The following DLG3 variants were observed in gnomAD, a reference collection of about 807,000 sequenced individuals.
The protein encoded by DLG3 is disks large homolog 3.
DLG3 carries 1 observed loss-of-function variant against 64.1 expected under a neutral mutation model. The ratio of observed to expected loss-of-function variants is 0.02; its 90% confidence interval spans 0.01 to 0.07. The LOEUF is 0.07. Among genes scored for constraint, DLG3 ranks in the 10% least tolerant of loss-of-function variants. DLG3 has a pLI of 1.00. For synonymous variants in DLG3, 245 were observed against 259.8 expected, an observed-to-expected ratio of 0.94 and a Z score of 0.55; for missense variants, 429 against 669.5, an observed-to-expected ratio of 0.64 and a Z score of 3.96.
At chrX:70,450,904 G>C (rs1366071497) in intron 6 of DLG3, 121 bp downstream of exon 6, 76 of 944,271 alleles carry the variant, frequency 8.0e-5, no homozygotes. Flanking sequence ...TGGCACTGTA[G>C]CAGCCAATAA....
At chrX:70,499,453 G>A (rs1020637464) in intron 15 of DLG3, among the ~76,000 whole-genome samples, 176 bp downstream of exon 15, 31 of 112,093 alleles carry the variant, frequency 2.8e-4, no homozygotes, top group South Asian at 7.5e-4. Flanking sequence ...TGGGGTTGGA[G>A]AGATTAAGCC....
chrX:70,468,096 G>C (rs1160925950), intron 9 of DLG3, among the ~76,000 whole-genome samples: 2 of 111,240 alleles, frequency 1.8e-5, no homozygotes, highest in Non-Finnish European at 3.8e-5. Flanking sequence ...ATGAGATGGA[G>C]TCTCACTCTG....
chrX:70,500,891 T>C lies in DLG3; in HGVS notation c.2256-7T>C. 1 of 1,188,685 alleles carries C rather than the reference T, an allele frequency of 8.4e-7. No individual in the cohort carries two copies. Among genetic ancestry groups the C allele is most frequent in the Non-Finnish European group, 1.1e-6 (1 of 880,211 alleles). ...GTTCAGAACTATTTTTCTTCTGTCT[T>C]TGGCAGGGAAATGAACCGAAGGCAG... On this transcript the variant is annotated splice_region_variant and splice_polypyrimidine_tract_variant and intron_variant, in intron 17 of 18. Coordinates refer to ENST00000374360, the MANE Select transcript of DLG3 (RefSeq NM_021120.4).
intron 10 of DLG3, among the ~76,000 whole-genome samples, chrX:70,483,786 A>C (rs891230269): frequency 8.0e-5 from 9 of 112,338 alleles, no homozygotes; most frequent in Non-Finnish European, 1.3e-4. Context: ...TCAGTGACTT[A>C]TTTGGAAGGA....
chrX:70,455,542 C>T (rs1428597394), intron 9 of DLG3, among the ~76,000 whole-genome samples: 1 of 109,526 alleles, frequency 9.1e-6, no homozygotes, highest in Non-Finnish European at 1.9e-5. Context: ...CCTTCTCACC[C>T]CAGGGCCTCT....
At chrX:70,478,082 A>G (rs1174915300) in intron 9 of DLG3, among the ~76,000 whole-genome samples, 1 of 112,232 alleles carries the variant, frequency 8.9e-6, no homozygotes, top group East Asian at 2.8e-4. Flanking sequence ...ACTCGCTTCA[A>G]AGTCAGCTTG....
In DLG3 at chrX:70,504,189, G is replaced by A. The variant is rs1358891172; in HGVS notation, c.*1920G>A. ...CAGCCGACTGTGACTCTGGTGAGGA[G>A]GGGTGAGCAGGGAGGTTGATTCTCT... is the stretch of plus-strand genomic sequence containing the variant. On this transcript the variant is annotated 3_prime_UTR_variant, in exon 19 of 19. Transcript: ENST00000374360. The A allele has an allele frequency of 9.0e-6, 1 of 111,615 alleles. No individual in the cohort carries two copies. Among genetic ancestry groups the A allele is most frequent in the African/African-American group, 3.3e-5 (1 of 30,582 alleles). 9.2% of individuals were successfully genotyped at this position (111,615 alleles called of 1,213,427 possible).
intron 10 of DLG3, among the ~76,000 whole-genome samples, chrX:70,483,423 C>T (rs187174455): frequency 8.8e-6 from 1 of 113,221 alleles, no homozygotes; most frequent in African/African-American, 3.2e-5. Flanking sequence ...TGCCCTCTGG[C>T]AGTTCGCCAT....
intron 5 of DLG3, 103 bp downstream of exon 5, chrX:70,450,408 G>A (rs2147771209): frequency 9.6e-7 from 1 of 1,042,099 alleles, no homozygotes; most frequent in South Asian, 2.2e-5. Flanking sequence ...GGCATCATGG[G>A]GGAATTTCAA....
At chrX:70,478,190 TTG>T (rs2087089833) in intron 9 of DLG3, among the ~76,000 whole-genome samples, 1 of 112,463 alleles carries the variant, frequency 8.9e-6, no homozygotes, top group African/African-American at 3.2e-5. Context: ...AAATGTGTAA[TTG>T]TGTGTTTGGT....
chrX:70,498,653 G>A, intron 14 of DLG3, 83 bp downstream of exon 14: 1 of 869,226 alleles, frequency 1.2e-6, no homozygotes, highest in Non-Finnish European at 1.6e-6. Flanking sequence ...GGCAGCAGAG[G>A]GAGGGACCTG....
At position 70,490,436 on chromosome X, in the gene DLG3, C is replaced by T. The variant is rs189758724; in HGVS notation, c.1521-1671C>T. Among the ~76,000 whole-genome samples the T allele has an allele frequency of 2.7e-3, 304 of 111,791 alleles. 3 individuals are homozygous for T. Among genetic ancestry groups the T allele is most frequent in the African/African-American group, 9.2e-3 (284 of 30,769 alleles). Reference sequence around the variant, plus strand: ...TCTGTCACACATAGCCCGGAATGCACCTCTCGGACAGCACCTCCTTGTCTG... The same window carrying T: ...TCTGTCACACATAGCCCGGAATGCATCTCTCGGACAGCACCTCCTTGTCTG... On this transcript the variant is annotated intron_variant, in intron 10 of 18. Coordinates refer to ENST00000374360, the MANE Select transcript of DLG3 (RefSeq NM_021120.4).
intron 10 of DLG3, among the ~76,000 whole-genome samples, chrX:70,482,662 G>GTTTTTTTTTTTTTTTTTTTTT (rs774419870): frequency 1.5e-5 from 1 of 66,089 alleles, no homozygotes; most frequent in Non-Finnish European, 2.7e-5. Flanking sequence ...CATGTGTGGT[G>GTTTTTTTTTTTTTTTTTTTTT]TTTTTTTTTT....
chrX:70,468,763 T>G (rs1437636375), intron 9 of DLG3, among the ~76,000 whole-genome samples: 1 of 112,173 alleles, frequency 8.9e-6, no homozygotes, highest in Non-Finnish European at 1.9e-5. Context: ...TGTTTATTGA[T>G]TTGGTATTGT....
chrX:70,477,490 T>G (rs1331496429), intron 9 of DLG3, among the ~76,000 whole-genome samples: 1 of 111,833 alleles, frequency 8.9e-6, no homozygotes, highest in Admixed American at 9.5e-5. Flanking sequence ...ACTGGCCTGC[T>G]GTTATGCTCT....
chrX:70,473,340 G>C (rs1166261107), intron 9 of DLG3, among the ~76,000 whole-genome samples: 1 of 109,456 alleles, frequency 9.1e-6, no homozygotes. Context: ...CTTCACCAGC[G>C]CCCTTTCCCT....
intron 13 of DLG3, among the ~76,000 whole-genome samples, chrX:70,496,807 G>A (rs1159083905): frequency 2.7e-5 from 3 of 112,923 alleles, no homozygotes; most frequent in Non-Finnish European, 5.6e-5. Context: ...CTGGTCCCTG[G>A]ACTTCTCTTT....
At chrX:70,448,789 A>C in intron 1 of DLG3, 124 bp from the exon 2 acceptor site, 1 of 984,662 alleles carries the variant, frequency 1.0e-6, no homozygotes, top group Non-Finnish European at 1.4e-6. Flanking sequence ...TGTGGCCAAG[A>C]GGTGACCTGG....
intron 9 of DLG3, among the ~76,000 whole-genome samples, chrX:70,478,342 A>G (rs2087092917): frequency 8.9e-6 from 1 of 111,993 alleles, no homozygotes; most frequent in South Asian, 3.8e-4. Flanking sequence ...AACCTGTATT[A>G]CATTTCCAGA....
Sources: allele counts gnomAD v4.1 joint callset (sites outside exome capture counted in the v4.1 genomes callset), GRCh38; gene constraint gnomAD v4.1.1; transcripts MANE v1.5; gene names NCBI Gene and HGNC (gene_info 2026-07-23, HGNC 2026-07-21).